Variants in SENP6 observed in about 807,000 individuals in gnomAD.
SENP6 encodes sentrin-specific protease 6.
In SENP6, 41 loss-of-function variants were observed where a neutral mutation model predicts 134.5. The ratio of observed to expected loss-of-function variants is 0.30; its 90% confidence interval spans 0.24 to 0.40. The LOEUF is 0.40. SENP6 is among the 10% of genes least tolerant of loss of function. SENP6 has a pLI of 1.00. For missense variants in SENP6, 1,248 were observed against 1,312.5 expected, an observed-to-expected ratio of 0.95 and a Z score of 0.76; for synonymous variants, 395 against 429.8, an observed-to-expected ratio of 0.92 and a Z score of 1.00.
At chr6:75,656,806 A>G (rs943936500) in intron 7 of SENP6, among the ~76,000 whole-genome samples, 1 of 152,126 alleles carries the variant, frequency 6.6e-6, no homozygotes, top group African/African-American at 2.4e-5. Flanking sequence ...TCAGAGCCTT[A>G]TAAATAACCT....
At chr6:75,670,504 A>G in intron 10 of SENP6, 49 bp from the exon 11 acceptor site, 1 of 1,390,770 alleles carries the variant, frequency 7.2e-7, no homozygotes, top group South Asian at 1.3e-5. Flanking sequence ...CTTAGCTTGC[A>G]GCCTTATTTT....
intron 7 of SENP6, among the ~76,000 whole-genome samples, chr6:75,658,294 C>T (rs1771498221): frequency 6.6e-6 from 1 of 152,052 alleles, no homozygotes; most frequent in Non-Finnish European, 1.5e-5. Context: ...TTATAGGTTT[C>T]TTAAGATGGT....
intron 1 of SENP6, among the ~76,000 whole-genome samples, chr6:75,607,783 A>G (rs1767135294): frequency 6.6e-6 from 1 of 152,192 alleles, no homozygotes. Context: ...CTGTCTCCAA[A>G]TGAAAAGTGT....
At chr6:75,659,157 C>A in intron 7 of SENP6, 105 bp from the exon 8 acceptor site, 1 of 788,684 alleles carries the variant, frequency 1.3e-6, no homozygotes, top group Non-Finnish European at 2.0e-6. Context: ...AAGAGTAATC[C>A]AGGATATAAT....
chr6:75,663,819 T>TTG (rs1771965280), intron 9 of SENP6, among the ~76,000 whole-genome samples: 3 of 90,772 alleles, frequency 3.3e-5, no homozygotes, highest in Admixed American at 1.1e-4. Flanking sequence ...TTTTTTTTTT[T>TTG]GTGGGGGGGG....
chr6:75,676,877 T>G, intron 13 of SENP6, 153 bp from the exon 14 acceptor site: 1 of 553,558 alleles, frequency 1.8e-6, no homozygotes. Flanking sequence ...TTCCAGTGAT[T>G]GTTGTGTATC....
intron 6 of SENP6, among the ~76,000 whole-genome samples, chr6:75,644,991 G>A (rs1770323232): frequency 6.6e-6 from 1 of 152,248 alleles, no homozygotes; most frequent in South Asian, 2.1e-4. Context: ...GAGGCTTATC[G>A]AACTTTTAAT....
intron 3 of SENP6, among the ~76,000 whole-genome samples, chr6:75,624,586 G>A (rs1300801003): frequency 6.6e-6 from 1 of 151,958 alleles, no homozygotes; most frequent in Non-Finnish European, 1.5e-5. Context: ...ATGAAAACTA[G>A]TATCTCAGTG....
At chr6:75,668,969 T>G (rs1453437150) in intron 10 of SENP6, among the ~76,000 whole-genome samples, 1 of 152,198 alleles carries the variant, frequency 6.6e-6, no homozygotes, top group African/African-American at 2.4e-5. Flanking sequence ...ATTAGTGAGC[T>G]AAATAACCTC....
chr6:75,662,056 A>G (rs1353113611), intron 8 of SENP6, among the ~76,000 whole-genome samples: 1 of 139,112 alleles, frequency 7.2e-6, no homozygotes, highest in African/African-American at 2.6e-5. Flanking sequence ...CCTTCTCAAA[A>G]TAAATAAATA....
At chr6:75,711,963 G>A (rs376458295) in intron 21 of SENP6, among the ~76,000 whole-genome samples, 1 of 152,152 alleles carries the variant, frequency 6.6e-6, no homozygotes, top group Non-Finnish European at 1.5e-5. Context: ...GTGACCCATC[G>A]CGCCCGGCCA....
chr6:75,636,105 T>C (rs1185744737), intron 5 of SENP6, among the ~76,000 whole-genome samples: 1 of 152,118 alleles, frequency 6.6e-6, no homozygotes, highest in African/African-American at 2.4e-5. Flanking sequence ...TTACTCTAGG[T>C]CTCAACACCT....
chr6:75,661,060 A>T (rs540922868), intron 8 of SENP6, among the ~76,000 whole-genome samples: 1 of 152,306 alleles, frequency 6.6e-6, no homozygotes, highest in East Asian at 1.9e-4. Flanking sequence ...GTTCATTCAC[A>T]TGGGTATTAT....
intron 5 of SENP6, among the ~76,000 whole-genome samples, chr6:75,635,872 C>T (rs1769472856): frequency 6.6e-6 from 1 of 152,064 alleles, no homozygotes; most frequent in South Asian, 2.1e-4. Flanking sequence ...ATAAAGCTGA[C>T]TTAATATTCT....
chr6:75,655,762 A>G (rs1274143795), intron 7 of SENP6, among the ~76,000 whole-genome samples: 2 of 152,170 alleles, frequency 1.3e-5, no homozygotes, highest in Non-Finnish European at 2.9e-5. Context: ...ATTAAGAATA[A>G]AGCTGCTATG....
At chr6:75,712,412 G>A (rs1265134429) in intron 21 of SENP6, among the ~76,000 whole-genome samples, 2 of 151,998 alleles carry the variant, frequency 1.3e-5, no homozygotes, top group East Asian at 1.9e-4. Context: ...GACACAGTGG[G>A]TCACACTTTG....
At chr6:75,609,025 A>G (rs1767243121) in intron 1 of SENP6, among the ~76,000 whole-genome samples, 1 of 152,252 alleles carries the variant, frequency 6.6e-6, no homozygotes, top group Non-Finnish European at 1.5e-5. Context: ...TTGTATGTCT[A>G]GACTTTCATA....
rs1174612405 is a variant in SENP6 at position 75,638,271 on chromosome 6, A to G, written c.459-2413A>G. On this transcript the variant is annotated intron_variant, in intron 5 of 23. Transcript: ENST00000447266. ...TTTTTTTTTTTAATTTTAAGGCCAC[A>G]GTTATAGTACTAATTGAAGGTAATT... 2.0e-5 allele frequency among the ~76,000 whole-genome samples: 3 copies of G among 147,540 alleles called. No homozygotes were observed. In the East Asian group the frequency reaches 5.9e-4, roughly 29 times the overall value.
intron 17 of SENP6, among the ~76,000 whole-genome samples, chr6:75,697,103 A>G (rs1333687158): frequency 6.6e-6 from 1 of 152,144 alleles, no homozygotes. Context: ...GTGCTTGGCT[A>G]CACCTCTCAA....
Sources: gnomAD v4.1 joint callset for allele counts (sites outside exome capture counted in the v4.1 genomes callset) on GRCh38, gnomAD v4.1.1 for gene constraint, MANE v1.5 for transcripts, NCBI Gene and HGNC (gene_info 2026-07-23, HGNC 2026-07-21) for gene names.